Variants in EDNRB observed in about 807,000 individuals in gnomAD.
EDNRB encodes the protein Hirschsprung disease 2.
Under a neutral mutation model 46.4 loss-of-function variants are expected in EDNRB, and 18 were observed. The observed-to-expected ratio is 0.39, with a 90% CI of 0.27 to 0.57. EDNRB has a LOEUF of 0.57. Ranked by LOEUF, EDNRB falls within the 20% of genes least tolerant of loss-of-function variation. EDNRB has a pLI of 0.61. For synonymous variants in EDNRB, 213 were observed against 204.9 expected, an observed-to-expected ratio of 1.04 and a Z score of -0.34; for missense variants, 434 against 537.5, an observed-to-expected ratio of 0.81 and a Z score of 1.90.
At chr13:77,956,887 A>T (rs1414208338) in intron 1 of EDNRB, among the ~76,000 whole-genome samples, 2 of 152,168 alleles carry the variant, frequency 1.3e-5, no homozygotes, top group Non-Finnish European at 2.9e-5. Flanking sequence ...GGACTTAAGT[A>T]ATTAGATGGG....
intron 1 of EDNRB, among the ~76,000 whole-genome samples, chr13:77,953,563 G>A (rs1566335051): frequency 6.6e-6 from 1 of 152,084 alleles, no homozygotes; most frequent in Non-Finnish European, 1.5e-5. Flanking sequence ...TATCTGTTGG[G>A]TTAGAGGGTA....
intron 1 of EDNRB, among the ~76,000 whole-genome samples, chr13:77,948,023 C>T (rs1880981274): frequency 6.6e-6 from 1 of 152,066 alleles, no homozygotes; most frequent in Non-Finnish European, 1.5e-5. Context: ...AAAATAGTTA[C>T]CTGCTTTTAT....
At chr13:77,973,662 A>G (rs912416846) in intron 1 of EDNRB, among the ~76,000 whole-genome samples, 3 of 152,098 alleles carry the variant, frequency 2.0e-5, no homozygotes, top group Non-Finnish European at 2.9e-5. Context: ...TATTAAAAGT[A>G]TATTTTACTT....
chr13:77,963,642 T>C (rs1040391104), intron 1 of EDNRB, among the ~76,000 whole-genome samples: 4 of 152,112 alleles, frequency 2.6e-5, no homozygotes, highest in African/African-American at 4.8e-5. Context: ...AAGACTTAAA[T>C]GTTAGACCTA....
chr13:77,934,796 G>A (rs962258303), intron 1 of EDNRB, among the ~76,000 whole-genome samples: 5 of 152,078 alleles, frequency 3.3e-5, no homozygotes, highest in Non-Finnish European at 5.9e-5. Context: ...GTTCTAAGAG[G>A]CAGGCTGGTG....
At chr13:77,898,386 A>C (rs55984611) in intron 6 of EDNRB, 52 bp from the exon 7 acceptor site, 18 of 1,606,820 alleles carry the variant, frequency 1.1e-5, no homozygotes, top group Non-Finnish European at 1.5e-5. Context: ...ACCTTTCCCA[A>C]CTCTTCCTCC....
At chr13:77,953,026 A>G (rs745531776) in intron 1 of EDNRB, among the ~76,000 whole-genome samples, 13 of 152,218 alleles carry the variant, frequency 8.5e-5, no homozygotes, top group Non-Finnish European at 1.5e-5. Flanking sequence ...ACTGGATTCC[A>G]AACTGTGAGA....
chr13:77,900,573 G>A lies in EDNRB; in HGVS notation c.1033C>T (p.Leu345=). ...TTCTGATTATAAAGAGTGAGCTTCA[G>A]AATCCTGCTGAGGTGAAGGGGAAGC... ...CWLPLHLSRI[L]KLTLYNQNDP... is the part of the protein sequence containing the mutation. Residue 345 remains leucine (L), a synonymous_variant, in exon 5 of 7, where the codon CTG becomes TTG. Coordinates refer to ENST00000646607, the MANE Select transcript of EDNRB (RefSeq NM_001122659.3). 1 of 1,612,624 alleles carries A rather than the reference G, an allele frequency of 6.2e-7. No individual in the cohort carries two copies. Among genetic ancestry groups the A allele is most frequent in the Non-Finnish European group, 8.5e-7 (1 of 1,179,136 alleles).
chr13:77,968,835 C>T (rs904987264), intron 1 of EDNRB, among the ~76,000 whole-genome samples: 1 of 152,074 alleles, frequency 6.6e-6, no homozygotes, highest in Non-Finnish European at 1.5e-5. Flanking sequence ...TGTACTGCTC[C>T]TTAAAAATAA....
At chr13:77,930,634 C>T (rs146465652) in intron 1 of EDNRB, among the ~76,000 whole-genome samples, 3 of 152,266 alleles carry the variant, frequency 2.0e-5, no homozygotes, top group African/African-American at 7.2e-5. Context: ...CACATTAGTG[C>T]AGAGCTGAAA....
chr13:77,901,591 C>A (rs186901508), intron 3 of EDNRB, among the ~76,000 whole-genome samples: 89 of 152,008 alleles, frequency 5.9e-4, no homozygotes, highest in Middle Eastern at 3.4e-3. Flanking sequence ...AGATGAAGTT[C>A]TCATTTTTTA....
rs1435535321 is a variant in EDNRB, at chr13:77,896,941, C to G, written c.*1259G>C. The G allele has an allele frequency of 1.0e-6, 1 of 993,028 alleles. No homozygotes were observed. Among genetic ancestry groups the G allele is most frequent in the Non-Finnish European group, 1.2e-6 (1 of 835,230 alleles). 61.5% of individuals were successfully genotyped at this position (993,028 alleles called of 1,614,324 possible). On this transcript the variant is annotated 3_prime_UTR_variant, in exon 7 of 7. Coordinates refer to ENST00000646607, the MANE Select transcript of EDNRB (RefSeq NM_001122659.3). ...TTGCCTCTAGATGAAAGAAAAGCAC[C>G]ATGTCAAGCAAACTTTTCTATTGGC...
At chr13:77,944,007 C>T (rs559063355) in intron 1 of EDNRB, among the ~76,000 whole-genome samples, 10 of 152,078 alleles carry the variant, frequency 6.6e-5, no homozygotes, top group South Asian at 6.2e-4. Flanking sequence ...TATAGTCAAG[C>T]GAAATGACCA....
intron 1 of EDNRB, among the ~76,000 whole-genome samples, chr13:77,963,631 A>C (rs1416739272): frequency 6.6e-6 from 1 of 152,244 alleles, no homozygotes; most frequent in African/African-American, 2.4e-5. Flanking sequence ...AAGATGGATT[A>C]AAGACTTAAA....
Position 77,896,657 on chromosome 13 carries a change from C to T in EDNRB, c.*1543G>A, listed in dbSNP as rs1020468107. On this transcript the variant is annotated 3_prime_UTR_variant, in exon 7 of 7. Transcript: ENST00000646607. Reference sequence around the variant, plus strand: ...TTCGAAAGTCACTCTGAGAACATTGCACTGTGTTTTGCTGGAACAAAATCA... The same window carrying T: ...TTCGAAAGTCACTCTGAGAACATTGTACTGTGTTTTGCTGGAACAAAATCA... 4 of 1,488,772 alleles carry T rather than the reference C, an allele frequency of 2.7e-6. No individual in the cohort carries two copies. The East Asian group carries it at 7.8e-5, about 29-fold the overall frequency. The allele number at this position is 1,488,772 out of a possible 1,614,324, so 92.2% of individuals were successfully genotyped here.
chr13:77,916,493 T>C (rs933139812), intron 1 of EDNRB, among the ~76,000 whole-genome samples: 31 of 152,212 alleles, frequency 2.0e-4, no homozygotes, highest in Non-Finnish European at 8.8e-5. Flanking sequence ...TAGGATTTCT[T>C]CAATCGATTC....
intron 1 of EDNRB, among the ~76,000 whole-genome samples, chr13:77,942,955 T>C (rs1230178335): frequency 6.6e-6 from 1 of 152,178 alleles, no homozygotes; most frequent in African/African-American, 2.4e-5. Flanking sequence ...ATCTGCCTAA[T>C]ACATCATAAA....
intron 1 of EDNRB, among the ~76,000 whole-genome samples, chr13:77,946,784 G>A (rs544747509): frequency 6.6e-6 from 1 of 152,340 alleles, no homozygotes; most frequent in African/African-American, 2.4e-5. Context: ...TATTAGTGAT[G>A]TATTTATAAC....
intron 1 of EDNRB, among the ~76,000 whole-genome samples, chr13:77,963,430 C>G (rs8000027): frequency 0.036 from 5,441 of 152,176 alleles, 163 homozygotes; most frequent in East Asian, 0.088. Context: ...AGATATAGAC[C>G]AGTGGAACAG....
Sources: allele counts gnomAD v4.1 joint callset (sites outside exome capture counted in the v4.1 genomes callset), GRCh38; gene constraint gnomAD v4.1.1; transcripts MANE v1.5; gene names NCBI Gene and HGNC (gene_info 2026-07-23, HGNC 2026-07-21).